Variants in ZFP64 observed in about 807,000 individuals in gnomAD.
The protein encoded by ZFP64 is zinc finger protein 64.
ZFP64 carries 14 observed loss-of-function variants against 51.6 expected under a neutral mutation model. The ratio of observed to expected loss-of-function variants is 0.27; its 90% CI spans 0.18 to 0.42. ZFP64 has a LOEUF of 0.42. Ranked by LOEUF, ZFP64 falls within the 10% of genes least tolerant of loss-of-function variation. The pLI, the probability that ZFP64 is intolerant of heterozygous loss-of-function variation, is 1.00. For synonymous variants in ZFP64, 375 were observed against 361.4 expected (o/e 1.04, Z -0.43); for missense variants, 754 against 906.8 (o/e 0.83, Z 2.16).
chr20:52,097,637 TAG>T (rs1305178302), intron 6 of ZFP64, among the ~76,000 whole-genome samples: 12 of 151,940 alleles, frequency 7.9e-5, no homozygotes, highest in Non-Finnish European at 1.2e-4. Flanking sequence ...GTATTTTTGA[TAG>T]AGATGGGGTT....
In ZFP64 at chr20:52,191,439, G is replaced by A. The variant is rs1438626901; in HGVS notation, c.46+152C>T. Reference sequence around the variant, plus strand: ...CCCACTCCGGCGCCCCCTGCACAGCGCGCCCGCCGCGGTCCCCGAGACGCG... The same window carrying A: ...CCCACTCCGGCGCCCCCTGCACAGCACGCCCGCCGCGGTCCCCGAGACGCG... On this transcript the variant is annotated intron_variant, in intron 1 of 5. Coordinates refer to ENST00000216923, the MANE Select transcript of ZFP64 (RefSeq NM_018197.3). The surrounding 1 kb of genome is among the most constrained non-coding windows in gnomAD (Gnocchi z 4.3). 9.8e-7 allele frequency: 1 copy of A among 1,024,146 alleles called. No individual in the cohort carries two copies. The highest frequency in any genetic ancestry group is 1.7e-5 in the African/African-American group (1 of 58,508). 63.4% of individuals were successfully genotyped at this position (1,024,146 alleles called of 1,614,324 possible).
At chr20:52,161,911 C>T (rs555535065) in intron 4 of ZFP64, among the ~76,000 whole-genome samples, 15 of 152,212 alleles carry the variant, frequency 9.9e-5, no homozygotes, top group Non-Finnish European at 1.5e-4. Context: ...TTCACCAAAT[C>T]GTAACTAGCC....
At chr20:52,100,045 T>C (rs981537904) in intron 5 of ZFP64, among the ~76,000 whole-genome samples, 1 of 152,084 alleles carries the variant, frequency 6.6e-6, no homozygotes, top group East Asian at 1.9e-4. Flanking sequence ...CCAGGCTGGA[T>C]TGCAGTGGTG....
At chr20:52,164,163 A>G (rs1372606376) in intron 4 of ZFP64, among the ~76,000 whole-genome samples, 4 of 152,092 alleles carry the variant, frequency 2.6e-5, no homozygotes, top group Non-Finnish European at 5.9e-5. Flanking sequence ...AATACACAAC[A>G]TTAGCCAGGT....
At chr20:52,157,017 T>A (rs1981376303) in intron 5 of ZFP64, among the ~76,000 whole-genome samples, 2 of 152,214 alleles carry the variant, frequency 1.3e-5, no homozygotes, top group African/African-American at 4.8e-5. Context: ...ATATAGTTTC[T>A]CATCTCCAGC....
At chr20:52,166,467 T>C (rs1264630133) in intron 2 of ZFP64, among the ~76,000 whole-genome samples, 1 of 151,984 alleles carries the variant, frequency 6.6e-6, no homozygotes, top group Admixed American at 6.6e-5. Context: ...TCTTTTTTTT[T>C]TTTCTGAGAT....
intron 7 of ZFP64, among the ~76,000 whole-genome samples, chr20:52,090,936 A>G (rs1021451226): frequency 5.3e-4 from 78 of 148,074 alleles, no homozygotes; most frequent in East Asian, 3.7e-3. Context: ...CCAAAAAAAA[A>G]AAAAAAAAAA....
Position 52,152,613 on chromosome 20 carries a change from C to T in ZFP64, c.1579G>A (p.Val527Met). 1 of 1,538,492 alleles carries T rather than the reference C, an allele frequency of 6.5e-7. No individual in the cohort carries two copies. Among genetic ancestry groups the T allele is most frequent in the Non-Finnish European group, 8.7e-7 (1 of 1,147,336 alleles). The change falls in exon 6 of 6, where the codon GTG becomes ATG. Residue 527 changes from valine (V) to methionine (M), a missense_variant. This residue lies in a region of ZFP64 where 428 missense variants were observed against 472.4 expected (regional missense o/e 0.91). Transcript: ENST00000216923. ...AAVNIVPPALVAQNPEELPGN... is the reference protein window; with the variant it reads ...AAVNIVPPALMAQNPEELPGN... ...GGGAGTTCCTCTGGGTTCTGGGCCACCAAGGCAGGCGGGACGATGTTCACT... is the reference window on the plus strand; with the variant it reads ...GGGAGTTCCTCTGGGTTCTGGGCCATCAAGGCAGGCGGGACGATGTTCACT...
intron 2 of ZFP64, among the ~76,000 whole-genome samples, chr20:52,172,198 T>G (rs999341434): frequency 1.3e-5 from 2 of 151,476 alleles, no homozygotes; most frequent in Admixed American, 6.6e-5. Flanking sequence ...TGTGTGTGTG[T>G]GTGTTGGTGT....
chr20:52,156,444 C>G (rs894653246), intron 5 of ZFP64, among the ~76,000 whole-genome samples: 1 of 152,192 alleles, frequency 6.6e-6, no homozygotes, highest in African/African-American at 2.4e-5. Flanking sequence ...ACCTGCTGGT[C>G]TCAGAAGGCC....
At chr20:52,096,967 G>T in intron 7 of ZFP64, 1 of 493,560 alleles carries the variant, frequency 2.0e-6, no homozygotes, top group Non-Finnish European at 4.1e-6. Context: ...CCTCTTGTAA[G>T]GCCAGAAAGC....
At position 52,151,916 on chromosome 20, in the gene ZFP64, G is replaced by A. The variant is rs1980830404; in HGVS notation, c.*230C>T. 9 of 1,077,558 alleles carry A rather than the reference G, an allele frequency of 8.4e-6. No individual in the cohort carries two copies. Among genetic ancestry groups the A allele is most frequent in the Non-Finnish European group, 1.1e-5 (9 of 799,876 alleles). The allele number at this position is 1,077,558 out of a possible 1,614,324, so 66.7% of individuals were successfully genotyped here. ...GCCAGTCATGATGTCGTACACCTGT[G>A]GTCCCAGCTACTCGGAGGGCTGAGG... On this transcript the variant is annotated 3_prime_UTR_variant, in exon 6 of 6. Coordinates refer to ENST00000216923, the MANE Select transcript of ZFP64 (RefSeq NM_018197.3).
chr20:52,113,399 C>T (rs1978698240), intron 5 of ZFP64, among the ~76,000 whole-genome samples: 1 of 150,868 alleles, frequency 6.6e-6, no homozygotes, highest in Non-Finnish European at 1.5e-5. Flanking sequence ...TTGATCATTA[C>T]CCTTGTACCC....
At chr20:52,105,361 G>A (rs1018096971) in intron 5 of ZFP64, 5 of 1,240,786 alleles carry the variant, frequency 4.0e-6, no homozygotes, top group Middle Eastern at 2.1e-4. Context: ...CTGCTCATCA[G>A]CCGAGCAGGG....
rs145828849 is a variant in ZFP64 at position 52,144,921 on chromosome 20, A to T, written c.763+15202T>A. 3.7e-4 allele frequency among the ~76,000 whole-genome samples: 57 copies of T among 152,304 alleles called. No individual in the cohort carries two copies. In the Middle Eastern group the frequency reaches 0.01, roughly 27 times the overall value. On this transcript the variant is annotated intron_variant, in intron 5 of 8. Coordinates refer to the ZFP64 transcript ENST00000361387. ...ATATAAACTACTAAAATTGATCCAG[A>T]TAAGGTATACAACCTGAACAGATCA... is the stretch of plus-strand genomic sequence containing the variant.
In ZFP64 at chr20:52,153,541, T is replaced by A. The variant is rs554823322; in HGVS notation, c.764-113A>T. On this transcript the variant is annotated intron_variant, in intron 5 of 5. Coordinates refer to ENST00000216923, the MANE Select transcript of ZFP64 (RefSeq NM_018197.3). The surrounding 1 kb of genome is among the most constrained non-coding windows in gnomAD (Gnocchi z 5.1). The stretch of plus-strand genomic sequence containing the variant: ...ACAAGGTGGGTGGGTGCAGACCTCC[T>A]AACTGCAGCTTCTAGCAGCCCCTGG... The A allele has an allele frequency of 7.1e-7, 1 of 1,416,298 alleles. No individual in the cohort carries two copies. The highest frequency in any genetic ancestry group is 1.5e-5 in the South Asian group (1 of 65,786). The allele number at this position is 1,416,298 out of a possible 1,614,324, so 87.7% of individuals were successfully genotyped here.
intron 5 of ZFP64, among the ~76,000 whole-genome samples, chr20:52,118,853 G>A (rs1305538362): frequency 4.6e-5 from 7 of 150,912 alleles, no homozygotes; most frequent in African/African-American, 1.7e-4. Flanking sequence ...AGGTAAAGAA[G>A]TGAAGTAGGT....
intron 5 of ZFP64, among the ~76,000 whole-genome samples, chr20:52,133,174 C>T (rs1979802983): frequency 6.6e-6 from 1 of 152,036 alleles, no homozygotes; most frequent in African/African-American, 2.4e-5. Flanking sequence ...GATAAAAACC[C>T]TCAAAAAACG....
chr20:52,178,909 G>A (rs935189951), intron 2 of ZFP64, among the ~76,000 whole-genome samples: 7 of 152,044 alleles, frequency 4.6e-5, no homozygotes, highest in Admixed American at 2.0e-4. Flanking sequence ...TCCCCTCCCC[G>A]AGGGGCTTGG....
Sources: gnomAD v4.1 joint callset for allele counts (sites outside exome capture counted in the v4.1 genomes callset) on GRCh38, gnomAD v4.1.1 for gene constraint, gnomAD v4.1.1 regional missense constraint, Gnocchi (gnomAD v3.1) non-coding constraint, MANE v1.5 for transcripts, NCBI Gene and HGNC (gene_info 2026-07-23, HGNC 2026-07-21) for gene names.